KIAA1958: variants seen among roughly 807,000 people sequenced by gnomAD.
KIAA1958 encodes the protein KIAA1958.
Under a neutral mutation model 47.2 loss-of-function variants are expected in KIAA1958, and 14 were observed. The ratio of observed to expected loss-of-function variants is 0.30; its 90% CI spans 0.20 to 0.46. KIAA1958 has a LOEUF of 0.46. Ranked by LOEUF, KIAA1958 falls within the 20% of genes least tolerant of loss-of-function variation. The pLI, the probability that KIAA1958 is intolerant of heterozygous loss-of-function variation, is 1.00. For synonymous variants in KIAA1958, 354 were observed against 353.3 expected (o/e 1.00, Z -0.02); for missense variants, 803 against 909.2 (o/e 0.88, Z 1.50).
At chr9:112,602,141 T>G (rs774208213) in intron 2 of KIAA1958, among the ~76,000 whole-genome samples, 1 of 152,188 alleles carries the variant, frequency 6.6e-6, no homozygotes, top group Non-Finnish European at 1.5e-5. Context: ...AAAGAAGATA[T>G]TGACTTTTTA....
intron 2 of KIAA1958, among the ~76,000 whole-genome samples, chr9:112,628,708 T>G (rs190295816): frequency 6.6e-6 from 1 of 152,354 alleles, no homozygotes; most frequent in East Asian, 1.9e-4. Context: ...CCTTTGGGTC[T>G]TACGTACATT....
chr9:112,551,590 A>G (rs1016170062), intron 1 of KIAA1958, among the ~76,000 whole-genome samples: 2 of 152,260 alleles, frequency 1.3e-5, no homozygotes, highest in South Asian at 4.1e-4. Flanking sequence ...ATGTAAAAGA[A>G]GTGACTTGAG....
rs10981440 is a variant in KIAA1958, at chr9:112,558,742, T to C, written c.-24-15315T>C. Among the ~76,000 whole-genome samples, 790 of 152,240 alleles carry C rather than the reference T, an allele frequency of 5.2e-3. 2 individuals are homozygous for C. Among genetic ancestry groups the C allele is most frequent in the Middle Eastern group, 0.02 (6 of 294 alleles). On this transcript the variant is annotated intron_variant, in intron 1 of 3. Coordinates refer to ENST00000337530, the MANE Select transcript of KIAA1958 (RefSeq NM_133465.4). ...CACTCACCATCCACATACCTAAAAATAAGAGTCAGAATGGAGGGGCTATTA... is the reference window on the plus strand; with the variant it reads ...CACTCACCATCCACATACCTAAAAACAAGAGTCAGAATGGAGGGGCTATTA...
At chr9:112,570,946 C>T (rs1835522969) in intron 1 of KIAA1958, among the ~76,000 whole-genome samples, 1 of 152,162 alleles carries the variant, frequency 6.6e-6, no homozygotes, top group African/African-American at 2.4e-5. Flanking sequence ...GGCGTAAGTC[C>T]CAGAGTCCAA....
At chr9:112,625,456 T>C (rs1410851575) in intron 2 of KIAA1958, among the ~76,000 whole-genome samples, 1 of 152,068 alleles carries the variant, frequency 6.6e-6, no homozygotes, top group South Asian at 2.1e-4. Flanking sequence ...TCTGTCCTCA[T>C]CCACCCTTTA....
intron 1 of KIAA1958, among the ~76,000 whole-genome samples, chr9:112,544,343 A>G (rs193218304): frequency 1.4e-3 from 209 of 152,342 alleles, no homozygotes; most frequent in Middle Eastern, 6.8e-3. Flanking sequence ...CTTTCGCACT[A>G]TAACTCATGC....
chr9:112,527,971 A>G (rs1834688561), intron 1 of KIAA1958, among the ~76,000 whole-genome samples: 1 of 151,922 alleles, frequency 6.6e-6, no homozygotes, highest in African/African-American at 2.4e-5. Flanking sequence ...AAATGAGTTA[A>G]AAGGCCTGGC....
At chr9:112,572,430 G>T (rs780069152) in intron 1 of KIAA1958, among the ~76,000 whole-genome samples, 4 of 152,070 alleles carry the variant, frequency 2.6e-5, no homozygotes, top group Admixed American at 2.0e-4. Flanking sequence ...CCCCAAGTAG[G>T]TCCTCACTGA....
At chr9:112,594,879 C>T (rs1237359474) in intron 2 of KIAA1958, among the ~76,000 whole-genome samples, 10 of 152,334 alleles carry the variant, frequency 6.6e-5, no homozygotes, top group Non-Finnish European at 8.8e-5. Flanking sequence ...TCTCCACATC[C>T]CTGCCAACAT....
At position 112,563,085 on chromosome 9, in the gene KIAA1958, C is replaced by CTCTATA. The variant is rs10655286; in HGVS notation, c.-24-10971_-24-10970insCTATAT. ...TCTCTGTCTCTCTCTCTCTCTCTCTCTATATATATATATAAATTTTTTTTA... is the reference window on the plus strand; with the variant it reads ...TCTCTGTCTCTCTCTCTCTCTCTCTCTCTATATATATATATATATAAATTTTTTTTA... On this transcript the variant is annotated intron_variant, in intron 1 of 3. Coordinates refer to ENST00000337530, the MANE Select transcript of KIAA1958 (RefSeq NM_133465.4). 6.1e-3 allele frequency among the ~76,000 whole-genome samples: 797 copies of CTCTATA among 131,530 alleles called. 14 individuals carry two copies. Among genetic ancestry groups the CTCTATA allele is most frequent in the African/African-American group, 0.02 (679 of 34,264 alleles). 86.3% of individuals were successfully genotyped at this position (131,530 alleles called of 152,430 possible).
At chr9:112,564,459 T>G (rs1835393212) in intron 1 of KIAA1958, among the ~76,000 whole-genome samples, 3 of 152,184 alleles carry the variant, frequency 2.0e-5, no homozygotes, top group Admixed American at 2.0e-4. Context: ...GGGTAGATTG[T>G]TGTGACTGAA....
intron 1 of KIAA1958, among the ~76,000 whole-genome samples, chr9:112,521,566 G>C (rs967735590): frequency 2.7e-4 from 41 of 152,048 alleles, no homozygotes; most frequent in African/African-American, 8.9e-4. Flanking sequence ...TTTTCTCTTA[G>C]ATTATCATGT....
intron 2 of KIAA1958, among the ~76,000 whole-genome samples, chr9:112,587,452 G>A (rs1835847002): frequency 1.3e-5 from 2 of 152,158 alleles, no homozygotes. Context: ...GCCTGGCCCA[G>A]AAGTATTTTT....
In KIAA1958 at chr9:112,574,707, A is replaced by G. The variant is rs769574675; in HGVS notation, c.627A>G (p.Glu209=). Reference sequence around the variant, plus strand: ...AGAAAATCAAACAAGAAATCCCCGAAGATTATTACATTGTGGCAAATGCAG... The same window carrying G: ...AGAAAATCAAACAAGAAATCCCCGAGGATTATTACATTGTGGCAAATGCAG... ...IIKKIKQEIP[E]DYYIVANAEL... The change falls in exon 2 of 4, where the codon GAA becomes GAG. Residue 209 remains glutamate (E), a synonymous_variant. Transcript: ENST00000337530. 1 of 1,614,178 alleles carries G rather than the reference A, an allele frequency of 6.2e-7. No individual in the cohort carries two copies. The highest frequency in any genetic ancestry group is 1.1e-5 in the South Asian group (1 of 91,076).
At chr9:112,631,310 C>T (rs533741034) in intron 2 of KIAA1958, among the ~76,000 whole-genome samples, 2 of 152,042 alleles carry the variant, frequency 1.3e-5, no homozygotes, top group African/African-American at 4.8e-5. Flanking sequence ...ATCACTTGAG[C>T]CCAGGGGTTC....
intron 1 of KIAA1958, among the ~76,000 whole-genome samples, chr9:112,492,069 A>T (rs1833979373): frequency 6.6e-6 from 1 of 152,182 alleles, no homozygotes; most frequent in African/African-American, 2.4e-5. Flanking sequence ...GGAGTTGACA[A>T]TATGTGTGAA....
chr9:112,496,580 G>GA (rs948707850), intron 1 of KIAA1958, among the ~76,000 whole-genome samples: 1 of 152,078 alleles, frequency 6.6e-6, no homozygotes, highest in African/African-American at 2.4e-5. Flanking sequence ...CAACATAAAG[G>GA]AAAAAATGTG....
chr9:112,618,509 C>T lies in KIAA1958; in HGVS notation c.1172-27141C>T, dbSNP rs755282876. The T allele has an allele frequency of 1.0e-5, 16 of 1,550,594 alleles. No homozygotes were observed. In the South Asian group the frequency reaches 1.1e-4, roughly 10 times the overall value. The stretch of plus-strand genomic sequence containing the variant: ...AACCAAGAGAGGGGGGACAGACTCC[C>T]GTGTGTATGCCACCCAGCACGCCCC... On this transcript the variant is annotated intron_variant, in intron 2 of 3. Coordinates refer to ENST00000337530, the MANE Select transcript of KIAA1958 (RefSeq NM_133465.4). The surrounding 1 kb of genome is among the most constrained non-coding windows in gnomAD (Gnocchi z 7.1).
chr9:112,633,657 C>T (rs1372083308), intron 2 of KIAA1958, among the ~76,000 whole-genome samples: 1 of 152,124 alleles, frequency 6.6e-6, no homozygotes, highest in Non-Finnish European at 1.5e-5. Flanking sequence ...AAGGTAATCA[C>T]TGACTTCACC....
Sources: allele counts gnomAD v4.1 joint callset (sites outside exome capture counted in the v4.1 genomes callset), GRCh38; gene constraint gnomAD v4.1.1; non-coding constraint Gnocchi (gnomAD v3.1); transcripts MANE v1.5; gene names NCBI Gene and HGNC (gene_info 2026-07-23, HGNC 2026-07-21).